GRAMD4: variants seen among roughly 807,000 people sequenced by gnomAD.
GRAMD4 encodes GRAM domain containing 4, also known as GRAM domain-containing protein 4.
A neutral mutation model predicts 83.9 loss-of-function variants in GRAMD4; 25 were observed. The ratio of observed to expected loss-of-function variants is 0.30; its 90% confidence interval spans 0.22 to 0.42. GRAMD4 has a LOEUF of 0.42. Among genes scored for constraint, GRAMD4 ranks in the 10% least tolerant of loss-of-function variants. GRAMD4 has a pLI of 1.00. For synonymous variants in GRAMD4, 336 were observed against 320.9 expected (o/e 1.05, Z -0.50); for missense variants, 593 against 788.7 (o/e 0.75, Z 2.97).
chr22:46,663,539 G>C (rs375932180), intron 6 of GRAMD4, among the ~76,000 whole-genome samples: 2 of 152,184 alleles, frequency 1.3e-5, no homozygotes, highest in Admixed American at 6.5e-5. Flanking sequence ...GAGGGAGCTA[G>C]GTCAGCAAAG....
chr22:46,662,782 C>T (rs1247848244), intron 5 of GRAMD4, among the ~76,000 whole-genome samples: 4 of 152,148 alleles, frequency 2.6e-5, no homozygotes, highest in Non-Finnish European at 5.9e-5. Context: ...CAGAGAGACC[C>T]GGCACTGAGG....
rs2082300372 is a variant in GRAMD4, at chr22:46,659,730, G to C, written c.404+1423G>C. On this transcript the variant is annotated intron_variant, in intron 4 of 18. Transcript: ENST00000406902. This position sits in a 1 kb window ranked among gnomAD's most constrained non-coding sequence, Gnocchi z 4.1. The stretch of plus-strand genomic sequence containing the variant: ...CTGGGGGGCTCATGTGGGGGCTCAT[G>C]TGGGGGCATCCAGCTGGTGTGGGGG... Among the ~76,000 whole-genome samples, 2 of 151,444 alleles carry C rather than the reference G, an allele frequency of 1.3e-5. No individual in the cohort carries two copies. Among genetic ancestry groups the C allele is most frequent in the African/African-American group, 4.9e-5 (2 of 40,868 alleles).
chr22:46,654,025 T>G (rs1375830487), intron 3 of GRAMD4, among the ~76,000 whole-genome samples: 1 of 152,236 alleles, frequency 6.6e-6, no homozygotes, highest in African/African-American at 2.4e-5. Context: ...GGACGCTCCC[T>G]TTGGGGAGAA....
At chr22:46,576,264 C>T (rs761720444), upstream of GRAMD4, among the ~76,000 whole-genome samples, 2 of 152,226 alleles carry the variant, frequency 1.3e-5, no homozygotes, top group African/African-American at 4.8e-5. Flanking sequence ...CGCAACCATC[C>T]TCCTGGGTAA....
At chr22:46,658,355 C>A (rs1438138707) in intron 4 of GRAMD4, 48 bp downstream of exon 4, 2 of 1,513,976 alleles carry the variant, frequency 1.3e-6, no homozygotes, top group Non-Finnish European at 1.8e-6. Flanking sequence ...CTGCCCCAAC[C>A]CCCCACCCCA....
intron 2 of GRAMD4, among the ~76,000 whole-genome samples, chr22:46,634,712 G>T (rs543648846): frequency 6.6e-6 from 1 of 152,278 alleles, no homozygotes; most frequent in Non-Finnish European, 1.5e-5. Flanking sequence ...AGGCCAAGGC[G>T]GGTGGATCAC....
intron 3 of GRAMD4, among the ~76,000 whole-genome samples, chr22:46,654,329 C>T (rs572486507): frequency 4.8e-4 from 73 of 152,326 alleles, no homozygotes; most frequent in Admixed American, 2.7e-3. Context: ...CCCGGGCTCA[C>T]GCAGTGGGTT....
At chr22:46,626,115 G>A (rs1384970609) in intron 1 of GRAMD4, among the ~76,000 whole-genome samples, 2 of 152,240 alleles carry the variant, frequency 1.3e-5, no homozygotes, top group African/African-American at 4.8e-5. Context: ...GGCAGAGGGA[G>A]CAGTGTGGGC....
At position 46,598,527 on chromosome 22, in the gene GRAMD4, A is replaced by G. The variant is rs61152871; in HGVS notation, c.-50+21237A>G. Among the ~76,000 whole-genome samples, 1,046 of 152,028 alleles carry G rather than the reference A, an allele frequency of 6.9e-3. 10 individuals are homozygous for G. The highest frequency in any genetic ancestry group is 0.024 in the African/African-American group (1,006 of 41,442). ...AGTTGCTTTCTCTCCCACTTTGGAGAAAAGCAGTTCTGGTTACCGGCTTGA... is the reference window on the plus strand; with the variant it reads ...AGTTGCTTTCTCTCCCACTTTGGAGGAAAGCAGTTCTGGTTACCGGCTTGA... On this transcript the variant is annotated intron_variant, in intron 1 of 1. Coordinates refer to the GRAMD4 transcript ENST00000431155.
chr22:46,656,778 T>C (rs2082250792), intron 3 of GRAMD4, among the ~76,000 whole-genome samples: 1 of 152,244 alleles, frequency 6.6e-6, no homozygotes, highest in African/African-American at 2.4e-5. Context: ...GAATATCTCC[T>C]GGGACTCCAG....
intron 17 of GRAMD4, among the ~76,000 whole-genome samples, chr22:46,676,189 C>T (rs1028222956): frequency 1.3e-5 from 2 of 152,192 alleles, no homozygotes; most frequent in African/African-American, 2.4e-5. Flanking sequence ...TGGAAAAAAG[C>T]GTGCAGTCAG....
Position 46,679,117 on chromosome 22 carries a change from A to G in GRAMD4, c.*1866A>G. 3 of 985,516 alleles carry G rather than the reference A, an allele frequency of 3.0e-6. No individual in the cohort carries two copies. The highest frequency in any genetic ancestry group is 3.6e-6 in the Non-Finnish European group (3 of 829,956). 61.0% of individuals were successfully genotyped at this position (985,516 alleles called of 1,614,324 possible). A position where few individuals can be genotyped will look rare whatever the true frequency, so the allele number is the denominator to read the frequency against. The stretch of plus-strand genomic sequence containing the variant: ...CACCCCCAGGGGCGGCTGCAGAGGC[A>G]GTGCCCGCAGACAATGGCCACACCT... On this transcript the variant is annotated 3_prime_UTR_variant, in exon 19 of 19. Transcript: ENST00000406902.
intron 3 of GRAMD4, 112 bp from the exon 4 acceptor site, chr22:46,658,075 C>A (rs1047677087): frequency 8.3e-6 from 11 of 1,323,188 alleles, no homozygotes; most frequent in South Asian, 4.7e-5. Flanking sequence ...GGTCCGCTTA[C>A]GGAGCAGAGA....
At chr22:46,612,186 T>A (rs897752314) in intron 1 of GRAMD4, among the ~76,000 whole-genome samples, 1 of 152,002 alleles carries the variant, frequency 6.6e-6, no homozygotes, top group South Asian at 2.1e-4. Context: ...CTTTTATTTT[T>A]CGTAGAGGCG....
At chr22:46,642,173 C>T (rs1257980154) in intron 3 of GRAMD4, among the ~76,000 whole-genome samples, 1 of 152,254 alleles carries the variant, frequency 6.6e-6, no homozygotes, top group Non-Finnish European at 1.5e-5. Flanking sequence ...TGAGAGATTC[C>T]TTGCCTTTCG....
chr22:46,587,952 A>G, intron 1 of GRAMD4: 1 of 985,318 alleles, frequency 1.0e-6, no homozygotes, highest in Non-Finnish European at 1.2e-6. Context: ...CAGGTTGGCA[A>G]AAGGCCTGAG....
chr22:46,634,922 GAC>G (rs1423192309), intron 2 of GRAMD4, among the ~76,000 whole-genome samples: 2 of 150,606 alleles, frequency 1.3e-5, no homozygotes, highest in Non-Finnish European at 3.0e-5. Context: ...CAGCCTGGGC[GAC>G]AGAGTGAGAC....
rs1006052610 is a variant in GRAMD4 at position 46,620,768 on chromosome 22, C to T, written c.-50+203C>T. Among the ~76,000 whole-genome samples, 52 of 152,010 alleles carry T rather than the reference C, an allele frequency of 3.4e-4. No individual in the cohort carries two copies. Among genetic ancestry groups the T allele is most frequent in the African/African-American group, 1.0e-3 (42 of 41,384 alleles). ...CCACCGGTAAAGCACCTGCGCAGCC[C>T]GGGGCCAGGGGTCCAGTGAGGAAGG... On this transcript the variant is annotated intron_variant, in intron 1 of 18. Coordinates refer to ENST00000406902, the MANE Select transcript of GRAMD4 (RefSeq NM_015124.5). The surrounding 1 kb of genome is among the most constrained non-coding windows in gnomAD (Gnocchi z 4.7).
upstream of GRAMD4, among the ~76,000 whole-genome samples, chr22:46,618,162 C>T (rs2081528177): frequency 6.6e-6 from 1 of 152,264 alleles, no homozygotes; most frequent in South Asian, 2.1e-4. This position sits in a 1 kb window ranked among gnomAD's most constrained non-coding sequence, Gnocchi z 5.8. Context: ...TCACTGCCCA[C>T]CACGTGCCAA....
Sources: allele counts gnomAD v4.1 joint callset (sites outside exome capture counted in the v4.1 genomes callset), GRCh38; gene constraint gnomAD v4.1.1; non-coding constraint Gnocchi (gnomAD v3.1); transcripts MANE v1.5; gene names NCBI Gene and HGNC (gene_info 2026-07-23, HGNC 2026-07-21).